Variants in NELL1 observed in about 807,000 individuals in gnomAD.
NELL1 encodes protein kinase C-binding protein NELL1.
In NELL1, 76 loss-of-function variants were observed where a neutral mutation model predicts 107.4. That is an observed-to-expected ratio of 0.71 (90% CI 0.59 to 0.86). The LOEUF (loss-of-function observed/expected upper bound fraction) is 0.86, where lower values mean the gene tolerates loss of function less well. NELL1 is among the 40% of genes least tolerant of loss of function. The pLI, the probability that NELL1 is intolerant of heterozygous loss-of-function variation, is 0.00. For synonymous variants in NELL1, 353 were observed against 341.2 expected (o/e 1.03, Z -0.38); for missense variants, 1,024 against 1,005.5 (o/e 1.02, Z -0.25).
chr11:21,189,821 T>C (rs573029724), intron 13 of NELL1, among the ~76,000 whole-genome samples: 1 of 151,828 alleles, frequency 6.6e-6, no homozygotes, highest in African/African-American at 2.4e-5. Flanking sequence ...CTACAAAGGA[T>C]GTTGTAACTA....
intron 15 of NELL1, among the ~76,000 whole-genome samples, chr11:21,485,868 C>A (rs1854616861): frequency 6.6e-6 from 1 of 152,130 alleles, no homozygotes; most frequent in African/African-American, 2.4e-5. Context: ...GCCCAATCCA[C>A]ATGTGTTGGC....
intron 2 of NELL1, among the ~76,000 whole-genome samples, chr11:20,750,381 AT>A (rs1443138915): frequency 1.3e-5 from 2 of 151,918 alleles, no homozygotes; most frequent in African/African-American, 4.8e-5. Flanking sequence ...ATCTATTCAT[AT>A]TCTTGCTGGT....
intron 12 of NELL1, among the ~76,000 whole-genome samples, chr11:21,034,567 T>C (rs1853042135): frequency 1.3e-5 from 2 of 152,118 alleles, no homozygotes; most frequent in Non-Finnish European, 2.9e-5. Flanking sequence ...TACAGTGCAA[T>C]CAAATTAGAA....
chr11:21,564,145 G>A (rs968804363), intron 17 of NELL1, among the ~76,000 whole-genome samples: 11 of 151,928 alleles, frequency 7.2e-5, no homozygotes, highest in African/African-American at 2.7e-4. Context: ...AATTGGCAGG[G>A]CCCAGTCAAG....
intron 13 of NELL1, among the ~76,000 whole-genome samples, chr11:21,217,975 G>A (rs1857659696): frequency 1.3e-5 from 2 of 152,104 alleles, no homozygotes; most frequent in South Asian, 2.1e-4. Context: ...GAAGAAGAAA[G>A]GAACTATGTG....
chr11:20,896,695 A>G (rs1440916597), intron 5 of NELL1, among the ~76,000 whole-genome samples: 3 of 152,206 alleles, frequency 2.0e-5, no homozygotes, highest in Admixed American at 2.0e-4. Context: ...CCTTAAGCTG[A>G]TAAACAACTT....
intron 14 of NELL1, among the ~76,000 whole-genome samples, chr11:21,303,196 C>T (rs185137378): frequency 1.5e-3 from 233 of 151,978 alleles, no homozygotes; most frequent in Non-Finnish European, 2.7e-3. Flanking sequence ...AGACATGGGC[C>T]GTTCCCTCAA....
chr11:21,047,943 G>A (rs1308534005), intron 12 of NELL1, among the ~76,000 whole-genome samples: 1 of 152,148 alleles, frequency 6.6e-6, no homozygotes, highest in Non-Finnish European at 1.5e-5. Flanking sequence ...CGTAGAAGGT[G>A]AATGCTTCAA....
chr11:21,341,852 C>T (rs1446775441), intron 14 of NELL1, among the ~76,000 whole-genome samples: 4 of 152,272 alleles, frequency 2.6e-5, no homozygotes, highest in African/African-American at 9.6e-5. Flanking sequence ...TGTAATAATA[C>T]ATTTTTTTTG....
intron 4 of NELL1, among the ~76,000 whole-genome samples, chr11:20,857,681 G>A (rs1043963578): frequency 6.6e-6 from 1 of 152,220 alleles, no homozygotes; most frequent in Non-Finnish European, 1.5e-5. Context: ...TCTGCAGGAC[G>A]CTGCCCAGGT....
intron 13 of NELL1, among the ~76,000 whole-genome samples, chr11:21,166,700 T>C (rs1856491160): frequency 1.3e-5 from 2 of 151,888 alleles, no homozygotes; most frequent in Admixed American, 6.6e-5. Flanking sequence ...CCATAATCCA[T>C]GTAGAGGCTA....
intron 9 of NELL1, among the ~76,000 whole-genome samples, chr11:20,933,350 G>A (rs1173107263): frequency 1.3e-5 from 2 of 152,236 alleles, no homozygotes; most frequent in Non-Finnish European, 2.9e-5. Flanking sequence ...GGGAGAAATT[G>A]CCAGGTTTTG....
intron 11 of NELL1, among the ~76,000 whole-genome samples, chr11:20,949,307 G>A (rs1851027200): frequency 6.6e-6 from 1 of 152,162 alleles, no homozygotes; most frequent in South Asian, 2.1e-4. Context: ...TGTGTTGATA[G>A]CCAGAAATGG....
chr11:20,822,711 G>A (rs1484225262), intron 3 of NELL1, among the ~76,000 whole-genome samples: 1 of 152,198 alleles, frequency 6.6e-6, no homozygotes, highest in Non-Finnish European at 1.5e-5. Context: ...GATTTGCCAG[G>A]TGTCCAGGAG....
Position 21,239,549 on chromosome 11 carries a change from G to A in NELL1, c.1549+10095G>A, listed in dbSNP as rs76499655. On this transcript the variant is annotated intron_variant, in intron 14 of 19. Transcript: ENST00000357134. ...TCAGTATTCTAATATGTAGCCTGAAGCAGCATGGAATACATTTCTCTGTAG... is the reference window on the plus strand; with the variant it reads ...TCAGTATTCTAATATGTAGCCTGAAACAGCATGGAATACATTTCTCTGTAG... Among the ~76,000 whole-genome samples, 922 of 152,126 alleles carry A rather than the reference G, an allele frequency of 6.1e-3. 45 individuals carry two copies. The East Asian group carries it at 0.11, about 19-fold the overall frequency.
intron 3 of NELL1, among the ~76,000 whole-genome samples, chr11:20,830,415 T>A (rs180803967): frequency 6.6e-6 from 1 of 150,650 alleles, no homozygotes; most frequent in East Asian, 2.0e-4. Flanking sequence ...CTCTCTCTTC[T>A]GCCCTCTGCC....
At chr11:21,336,670 T>TACACACACAC (rs374935775) in intron 14 of NELL1, among the ~76,000 whole-genome samples, 1,584 of 95,764 alleles carry the variant, frequency 0.017, 11 homozygotes, top group Admixed American at 0.022. Flanking sequence ...TATATATATA[T>TACACACACAC]ATATACACAC....
intron 12 of NELL1, among the ~76,000 whole-genome samples, chr11:21,038,954 C>G (rs1853161207): frequency 6.6e-6 from 1 of 152,254 alleles, no homozygotes; most frequent in South Asian, 2.1e-4. Context: ...GACTTACATT[C>G]TGATGTGAAC....
At chr11:21,165,966 G>T (rs938073415) in intron 13 of NELL1, among the ~76,000 whole-genome samples, 3 of 151,364 alleles carry the variant, frequency 2.0e-5, no homozygotes, top group African/African-American at 7.3e-5. Flanking sequence ...TATTGGTCAG[G>T]CTAGTGTTGA....
Sources: gnomAD v4.1 joint callset for allele counts (sites outside exome capture counted in the v4.1 genomes callset) on GRCh38, gnomAD v4.1.1 for gene constraint, MANE v1.5 for transcripts, NCBI Gene and HGNC (gene_info 2026-07-23, HGNC 2026-07-21) for gene names.